The following ATL2 variants were observed in gnomAD, a reference collection of about 807,000 sequenced individuals.
ATL2 encodes atlastin-2.
ATL2 carries 31 observed loss-of-function variants against 73.9 expected under a neutral mutation model. That is an observed-to-expected ratio of 0.42 (90% CI 0.32 to 0.57). The LOEUF (loss-of-function observed/expected upper bound fraction) is 0.57, where lower values mean the gene tolerates loss of function less well. Among genes scored for constraint, ATL2 ranks in the 20% least tolerant of loss-of-function variants. ATL2 has a pLI of 0.14. For missense variants in ATL2, 738 were observed against 702.6 expected (o/e 1.05, Z -0.57); for synonymous variants, 291 against 237.5 (o/e 1.23, Z -2.07).
intron 1 of ATL2, among the ~76,000 whole-genome samples, chr2:38,368,227 C>T (rs1042050351): frequency 6.6e-5 from 10 of 151,820 alleles, no homozygotes; most frequent in Admixed American, 2.0e-4. Flanking sequence ...AGCCACCGCA[C>T]CTGGACTCTA....
At chr2:38,377,350 G>T, upstream of ATL2, 1 of 1,160,036 alleles carries the variant, frequency 8.6e-7, no homozygotes, top group Non-Finnish European at 1.2e-6. Flanking sequence ...TGGCCGGCGG[G>T]TCCTAGCGCC....
intron 1 of ATL2, among the ~76,000 whole-genome samples, chr2:38,348,555 G>A (rs934882965): frequency 2.6e-5 from 4 of 151,860 alleles, no homozygotes; most frequent in Non-Finnish European, 4.4e-5. Flanking sequence ...ACCAAGTGTG[G>A]AGGTTGGTGA....
At chr2:38,378,389 G>A (rs867710392), upstream of ATL2, among the ~76,000 whole-genome samples, 2 of 152,038 alleles carry the variant, frequency 1.3e-5, no homozygotes, top group Non-Finnish European at 1.5e-5. Context: ...ACAGTCCCCC[G>A]CCACCACACC....
At chr2:38,371,924 C>T (rs1341071380) in intron 1 of ATL2, among the ~76,000 whole-genome samples, 2 of 151,876 alleles carry the variant, frequency 1.3e-5, no homozygotes, top group African/African-American at 4.8e-5. Flanking sequence ...AAAAATAAAA[C>T]ATCATAGACC....
chr2:38,313,968 T>A (rs1266324175), intron 6 of ATL2, among the ~76,000 whole-genome samples: 2 of 152,146 alleles, frequency 1.3e-5, no homozygotes, highest in Non-Finnish European at 2.9e-5. Flanking sequence ...CATCATCTGC[T>A]CAACTACTTA....
chr2:38,297,514 T>C (rs1329230080), intron 12 of ATL2, among the ~76,000 whole-genome samples: 2 of 151,890 alleles, frequency 1.3e-5, no homozygotes, highest in African/African-American at 4.8e-5. Flanking sequence ...CAGGCAAGAG[T>C]TCACAGCCTG....
At chr2:38,342,960 A>AC (rs1669808266) in intron 2 of ATL2, among the ~76,000 whole-genome samples, 1 of 143,560 alleles carries the variant, frequency 7.0e-6, no homozygotes, top group South Asian at 2.2e-4. Context: ...ACAAAGTGAG[A>AC]CCCCCATAGC....
intron 2 of ATL2, among the ~76,000 whole-genome samples, chr2:38,335,706 T>A (rs1043746957): frequency 6.6e-6 from 1 of 152,148 alleles, no homozygotes; most frequent in Non-Finnish European, 1.5e-5. Context: ...CTGGCTATAT[T>A]AAGGTTTATA....
intron 8 of ATL2, 152 bp from the exon 9 acceptor site, chr2:38,309,658 C>T: frequency 2.5e-6 from 2 of 804,350 alleles, no homozygotes; most frequent in Non-Finnish European, 3.7e-6. Context: ...ATCCAACATG[C>T]CATATCTCAT....
intron 12 of ATL2, chr2:38,296,686 C>G: frequency 6.4e-7 from 1 of 1,560,486 alleles, no homozygotes. Flanking sequence ...GGTTTCTCAC[C>G]TTCCTGGGAC....
chr2:38,343,183 T>G, intron 2 of ATL2, 85 bp downstream of exon 2: 5 of 712,614 alleles, frequency 7.0e-6, no homozygotes, highest in Non-Finnish European at 1.0e-5. Flanking sequence ...AAAAAAGATA[T>G]AGTTCTGGTT....
intron 1 of ATL2, among the ~76,000 whole-genome samples, chr2:38,374,831 G>C (rs1008091453): frequency 1.3e-5 from 2 of 152,146 alleles, no homozygotes; most frequent in African/African-American, 4.8e-5. Flanking sequence ...TTATACTTGT[G>C]AATATTCCAA....
intron 1 of ATL2, among the ~76,000 whole-genome samples, chr2:38,358,175 G>A (rs1383071762): frequency 6.6e-6 from 1 of 152,054 alleles, no homozygotes; most frequent in East Asian, 1.9e-4. Context: ...GGATGTAAGT[G>A]TCATTCATTT....
chr2:38,325,694 ACCAGTACACACACAC>A (rs1668592424), intron 2 of ATL2, among the ~76,000 whole-genome samples: 2 of 46,928 alleles, frequency 4.3e-5, no homozygotes, highest in Admixed American at 2.6e-4. Context: ...ACACACACAC[ACCAGTACACACACAC>A]ACACACACAC....
intron 1 of ATL2, among the ~76,000 whole-genome samples, chr2:38,369,512 T>A (rs1296104676): frequency 6.6e-6 from 1 of 151,704 alleles, no homozygotes; most frequent in Non-Finnish European, 1.5e-5. Flanking sequence ...GGTCTCGAAC[T>A]CCTGACTTTG....
chr2:38,341,686 C>A (rs1669729327), intron 2 of ATL2, among the ~76,000 whole-genome samples: 1 of 152,116 alleles, frequency 6.6e-6, no homozygotes, highest in African/African-American at 2.4e-5. Context: ...AATGATGTAC[C>A]TTTCTCAATG....
At chr2:38,355,688 C>A (rs1203213050) in intron 1 of ATL2, among the ~76,000 whole-genome samples, 1 of 148,236 alleles carries the variant, frequency 6.7e-6, no homozygotes. Flanking sequence ...AATGCATAGT[C>A]ACATTTGTTT....
At chr2:38,376,406 C>G (rs549322109) in intron 1 of ATL2, 80 of 434,346 alleles carry the variant, frequency 1.8e-4, no homozygotes, top group African/African-American at 1.4e-3. Context: ...CAGACACTTT[C>G]AGAGTGATCA....
intron 2 of ATL2, among the ~76,000 whole-genome samples, chr2:38,323,215 T>C (rs1400783132): frequency 2.6e-5 from 4 of 152,094 alleles, no homozygotes. Context: ...TATTTACTAC[T>C]ATGGAGACAA....
Sources: allele counts gnomAD v4.1 joint callset (sites outside exome capture counted in the v4.1 genomes callset), GRCh38; gene constraint gnomAD v4.1.1; transcripts MANE v1.5; gene names NCBI Gene and HGNC (gene_info 2026-07-23, HGNC 2026-07-21).